The following VAV2 variants were observed in gnomAD, a reference collection of about 807,000 sequenced individuals.
VAV2 encodes guanine nucleotide exchange factor VAV2.
VAV2 carries 67 observed loss-of-function variants against 132.5 expected under a neutral mutation model. The ratio of observed to expected loss-of-function variants is 0.51; its 90% CI spans 0.42 to 0.62. The LOEUF (loss-of-function observed/expected upper bound fraction) is 0.62, where lower values mean the gene tolerates loss of function less well. VAV2 is among the 20% of genes least tolerant of loss of function. The pLI, the probability that VAV2 is intolerant of heterozygous loss-of-function variation, is 0.00. For synonymous variants in VAV2, 492 were observed against 443.5 expected, an observed-to-expected ratio of 1.11 and a Z score of -1.37; for missense variants, 938 against 1,153.6, an observed-to-expected ratio of 0.81 and a Z score of 2.71.
intron 3 of VAV2, among the ~76,000 whole-genome samples, chr9:133,851,611 G>C (rs1837169720): frequency 6.6e-6 from 1 of 152,222 alleles, no homozygotes; most frequent in African/African-American, 2.4e-5. Context: ...ACCACACTGA[G>C]ACCAATCGCG....
chr9:133,835,632 G>A (rs1222409285), intron 3 of VAV2, among the ~76,000 whole-genome samples: 2 of 152,166 alleles, frequency 1.3e-5, no homozygotes, highest in African/African-American at 4.8e-5. Flanking sequence ...GGGGCTGCCC[G>A]GGCCCAGATG....
rs766035042 is a variant in VAV2, at chr9:133,972,515, G to A, written c.204+19560C>T. On this transcript the variant is annotated intron_variant, in intron 1 of 29. Transcript: ENST00000371850. ...CAAACACTCTTTGCCGCTGGCTCCC[G>A]CAGACACATGTAGCCGAGGGGCGGC... is the stretch of plus-strand genomic sequence containing the variant. 5.3e-5 allele frequency among the ~76,000 whole-genome samples: 8 copies of A among 152,124 alleles called. No individual in the cohort carries two copies. In the East Asian group the frequency reaches 1.2e-3, roughly 22 times the overall value.
intron 2 of VAV2, among the ~76,000 whole-genome samples, chr9:133,888,748 G>C (rs753359984): frequency 6.6e-6 from 1 of 152,224 alleles, no homozygotes; most frequent in Admixed American, 6.5e-5. Context: ...CGACTGATCT[G>C]TTCCAAAGGG....
chr9:133,779,276 G>C (rs759000062), intron 21 of VAV2, among the ~76,000 whole-genome samples: 2 of 152,202 alleles, frequency 1.3e-5, no homozygotes, highest in African/African-American at 4.8e-5. Flanking sequence ...AGCTCACAGA[G>C]GTGCTCTGGG....
chr9:133,925,944 G>A (rs1472715017), intron 2 of VAV2: 5 of 143,490 alleles, frequency 3.5e-5, no homozygotes, highest in African/African-American at 5.2e-5. Flanking sequence ...AATGTCTTGG[G>A]GGCACTGGGG....
chr9:133,787,247 AT>A lies in VAV2; in HGVS notation c.1420del (p.Met474CysfsTer8), dbSNP rs1326209294. 6 of 1,585,260 alleles carry A rather than the reference AT, an allele frequency of 3.8e-6. No homozygotes were observed. Among genetic ancestry groups the A allele is most frequent in the South Asian group, 1.1e-5 (1 of 86,982 alleles). On this transcript the variant is annotated frameshift_variant and splice_region_variant, in exon 16 of 30. Coordinates refer to ENST00000371850, the MANE Select transcript of VAV2 (RefSeq NM_001134398.2). LOFTEE classifies it high-confidence loss of function. ...AGGACCTGGGCGCTAGGTGCTTACC[AT>A]TTTCCCGTGAGACTAGGAAGCATGG... Reference protein sequence around the residue: ...NKDVKKSHGKMWSYGFYLIHL... With the variant: ...NKDVKKSHGKXWSYGFYLIHL...
intron 3 of VAV2, among the ~76,000 whole-genome samples, chr9:133,856,792 G>A (rs1294117579): frequency 1.3e-5 from 2 of 152,142 alleles, no homozygotes; most frequent in Non-Finnish European, 2.9e-5. Context: ...CAGCCCCATC[G>A]CTCTAACTCT....
rs944421619 is a variant in VAV2, at chr9:133,840,618, G to A, written c.381-6278C>T. On this transcript the variant is annotated intron_variant, in intron 3 of 29. Coordinates refer to ENST00000371850, the MANE Select transcript of VAV2 (RefSeq NM_001134398.2). This position sits in a 1 kb window ranked among gnomAD's most constrained non-coding sequence, Gnocchi z 4.5. The stretch of plus-strand genomic sequence containing the variant: ...CCCAAACCCCGAAGGAAGAGCAGAG[G>A]AAACACAGCTCCTGCTTCCAAAGAG... Among the ~76,000 whole-genome samples, 6 of 152,170 alleles carry A rather than the reference G, an allele frequency of 3.9e-5. No individual in the cohort carries two copies. The highest frequency in any genetic ancestry group is 1.3e-4 in the Admixed American group (2 of 15,288).
chr9:133,889,420 C>G (rs960601414), intron 2 of VAV2, among the ~76,000 whole-genome samples: 4 of 152,116 alleles, frequency 2.6e-5, no homozygotes, highest in Non-Finnish European at 5.9e-5. Flanking sequence ...TGGGGGAAGG[C>G]GGCCACTGGC....
chr9:133,849,987 T>C (rs1368166550), intron 3 of VAV2, among the ~76,000 whole-genome samples: 5 of 152,188 alleles, frequency 3.3e-5, no homozygotes, highest in Non-Finnish European at 5.9e-5. Flanking sequence ...ATTCACCCCA[T>C]ACACCCCCTT....
In VAV2 at chr9:133,802,289, C is replaced by T. The variant is rs1834959035; in HGVS notation, c.836+3792G>A. 6.8e-6 allele frequency among the ~76,000 whole-genome samples: 1 copy of T among 148,032 alleles called. No homozygotes were observed. The highest frequency in any genetic ancestry group is 2.6e-5 in the African/African-American group (1 of 38,548). The stretch of plus-strand genomic sequence containing the variant: ...GCACACATGTATGCACACACACACA[C>T]ATGCATGTGCACACAAACACACAAG... On this transcript the variant is annotated intron_variant, in intron 9 of 29. Transcript: ENST00000371850. The surrounding 1 kb of genome is among the most constrained non-coding windows in gnomAD (Gnocchi z 5.8).
intron 1 of VAV2, among the ~76,000 whole-genome samples, chr9:133,987,752 C>T (rs1032109258): frequency 1.3e-5 from 2 of 152,206 alleles, no homozygotes; most frequent in South Asian, 2.1e-4. Context: ...ACCTCCCAAC[C>T]GAAGCTGCTC....
chr9:133,889,334 C>A (rs1206432798), intron 2 of VAV2, among the ~76,000 whole-genome samples: 1 of 152,200 alleles, frequency 6.6e-6, no homozygotes, highest in Non-Finnish European at 1.5e-5. Flanking sequence ...TGGGAGACAG[C>A]ATGCCCACTC....
chr9:133,905,440 A>AAAAAG (rs1478246734), intron 2 of VAV2, among the ~76,000 whole-genome samples: 2 of 150,862 alleles, frequency 1.3e-5, no homozygotes, highest in East Asian at 3.9e-4. Flanking sequence ...TCTCAAAAAA[A>AAAAAG]AAAAAAAAAA....
chr9:133,807,174 G>C, intron 8 of VAV2, 84 bp downstream of exon 8: 1 of 1,474,344 alleles, frequency 6.8e-7, no homozygotes, highest in Admixed American at 2.1e-5. Context: ...GCTCTCCAAG[G>C]CCCTGAGGAC....
In VAV2 at chr9:133,992,090, C is replaced by T; in HGVS notation, c.189G>A (p.Arg63=). Residue 63 remains arginine, a synonymous_variant, in exon 1 of 30, where the codon CGG becomes CGA. Transcript: ENST00000371850. This position sits in a 1 kb window ranked among gnomAD's most constrained non-coding sequence, Gnocchi z 5.5. ...GSIDLKDINF[R]PQMSQFLCLK... Reference sequence around the variant, plus strand: ...GGGCGCTCACCTGGGACATCTGCGGCCGGAAGTTGATGTCCTTGAGGTCGA... The same window carrying T: ...GGGCGCTCACCTGGGACATCTGCGGTCGGAAGTTGATGTCCTTGAGGTCGA... 4 of 1,579,510 alleles carry T rather than the reference C, an allele frequency of 2.5e-6. No individual in the cohort carries two copies. The highest frequency in any genetic ancestry group is 3.4e-6 in the Non-Finnish European group (4 of 1,164,204).
At chr9:133,944,749 C>T (rs1322502917) in intron 1 of VAV2, among the ~76,000 whole-genome samples, 5 of 152,250 alleles carry the variant, frequency 3.3e-5, no homozygotes, top group Non-Finnish European at 7.3e-5. Flanking sequence ...AGGCCTGCGT[C>T]GTCAAGGCAG....
At chr9:133,989,350 A>C (rs1842946191) in intron 1 of VAV2, among the ~76,000 whole-genome samples, 1 of 150,324 alleles carries the variant, frequency 6.7e-6, no homozygotes, top group South Asian at 2.1e-4. Flanking sequence ...AAAAAAAAAA[A>C]AAAACAAAAA....
At chr9:133,770,542 C>T (rs775575526) in intron 26 of VAV2, 41 bp from the exon 27 acceptor site, 1 of 1,606,692 alleles carries the variant, frequency 6.2e-7, no homozygotes, top group Non-Finnish European at 8.5e-7. Flanking sequence ...CTGCCACCTC[C>T]AGGAAGTCCT....
Sources: allele counts gnomAD v4.1 joint callset (sites outside exome capture counted in the v4.1 genomes callset), GRCh38; gene constraint gnomAD v4.1.1; non-coding constraint Gnocchi (gnomAD v3.1); transcripts MANE v1.5; gene names NCBI Gene and HGNC (gene_info 2026-07-23, HGNC 2026-07-21).